Variants in PRR14L observed in about 807,000 individuals in gnomAD.
PRR14L encodes protein PRR14L.
In PRR14L, 80 loss-of-function variants were observed where a neutral mutation model predicts 155.0. That is an observed-to-expected ratio of 0.52 (90% CI 0.43 to 0.62). The LOEUF is 0.62. Ranked by LOEUF, PRR14L falls within the 20% of genes least tolerant of loss-of-function variation. The pLI, the probability that PRR14L is intolerant of heterozygous loss-of-function variation, is 0.00. For synonymous variants in PRR14L, 883 were observed against 916.0 expected, an observed-to-expected ratio of 0.96 and a Z score of 0.65; for missense variants, 2,469 against 2,548.0, an observed-to-expected ratio of 0.97 and a Z score of 0.67.
chr22:31,719,299 G>A (rs957077346), intron 3 of PRR14L, among the ~76,000 whole-genome samples: 3 of 151,814 alleles, frequency 2.0e-5, no homozygotes, highest in African/African-American at 7.3e-5. Flanking sequence ...TTTAATCCCA[G>A]CTACTTGGGA....
At chr22:31,725,483 TA>T in intron 3 of PRR14L, 54 bp downstream of exon 3, 1 of 1,198,848 alleles carries the variant, frequency 8.3e-7, no homozygotes, top group Non-Finnish European at 1.2e-6. Context: ...GAAGCGGAAC[TA>T]AAACAGTATT....
intron 4 of PRR14L, among the ~76,000 whole-genome samples, chr22:31,707,014 A>G (rs1601499685): frequency 6.6e-6 from 1 of 151,838 alleles, no homozygotes; most frequent in Non-Finnish European, 1.5e-5. Flanking sequence ...GCGCCACTGC[A>G]CTCCAGCTTG....
Position 31,716,174 on chromosome 22 carries a change from G to A in PRR14L, c.1665C>T (p.Thr555=). The change falls in exon 4 of 9, where the codon ACC becomes ACT. Residue 555 remains threonine, a synonymous_variant. Coordinates refer to ENST00000327423, the MANE Select transcript of PRR14L (RefSeq NM_173566.3). ...VSIQRNLEGN[T]QLNEASCNDF... ...CATTACATGATGCTTCATTTAACTG[G>A]GTGTTGCCTTCCAGATTTCTCTGGA... is the stretch of plus-strand genomic sequence containing the variant. 1 of 1,551,366 alleles carries A rather than the reference G, an allele frequency of 6.4e-7. No homozygotes were observed. Among genetic ancestry groups the A allele is most frequent in the Non-Finnish European group, 8.7e-7 (1 of 1,146,848 alleles).
rs1274786569 is a variant in PRR14L, at chr22:31,715,695, T to C, written c.2144A>G (p.Asp715Gly). ...QTIPIQTKIK[D>G]ISPPGNQTCG... ...GGTTTGGTTACCTGGTGGAGAGATG[T>C]CTTTTATTTTTGTCTGAATGGGAAT... Residue 715 changes from aspartate to glycine, a missense_variant, in exon 4 of 9, where the codon GAC (aspartate) becomes GGC (glycine). Transcript: ENST00000327423. The C allele has an allele frequency of 3.9e-6, 6 of 1,552,272 alleles. No homozygotes were observed. Among genetic ancestry groups the C allele is most frequent in the Middle Eastern group, 1.7e-4 (1 of 5,998 alleles).
At chr22:31,746,828 ACT>A (rs1301266045) in intron 1 of PRR14L, among the ~76,000 whole-genome samples, 1 of 129,168 alleles carries the variant, frequency 7.7e-6, no homozygotes, top group Non-Finnish European at 1.6e-5. Flanking sequence ...ACGGAGTCTC[ACT>A]CTGTTGCTCA....
At chr22:31,722,417 GAAAAAAAAAAA>G (rs563612373) in intron 3 of PRR14L, among the ~76,000 whole-genome samples, 6 of 82,184 alleles carry the variant, frequency 7.3e-5, no homozygotes, top group Non-Finnish European at 1.6e-4. Flanking sequence ...GTGACAGAAA[GAAAAAAAAAAA>G]AAAAAGAAAG....
Position 31,715,582 on chromosome 22 carries a change from C to T in PRR14L, c.2257G>A (p.Ala753Thr). 2.6e-6 allele frequency: 4 copies of T among 1,552,012 alleles called. No homozygotes were observed. Among genetic ancestry groups the T allele is most frequent in the Non-Finnish European group, 3.5e-6 (4 of 1,147,058 alleles). Residue 753 changes from alanine (A) to threonine (T), a missense_variant, in exon 4 of 9, where the codon GCT becomes ACT. Coordinates refer to ENST00000327423, the MANE Select transcript of PRR14L (RefSeq NM_173566.3). ...TTTGAGCGCAGCCTGGAATGTAGAG[C>T]TTTTGTTCCTGAATCAGCCATTTCC... ...KKEMADSGTKALHSRLRSNKR... is the reference protein window; with the variant it reads ...KKEMADSGTKTLHSRLRSNKR...
rs1172006237 is a variant in PRR14L at position 31,703,586 on chromosome 22, G to A, written c.5964C>T (p.Cys1988=). The A allele has an allele frequency of 6.2e-7, 1 of 1,613,828 alleles. No individual in the cohort carries two copies. Among genetic ancestry groups the A allele is most frequent in the Non-Finnish European group, 8.5e-7 (1 of 1,179,882 alleles). Residue 1988 remains cysteine (C), a synonymous_variant, in exon 6 of 9, where the codon TGC becomes TGT. Transcript: ENST00000327423. ...LDELDGVKAA[C]PCPQSSPPEQ... ...CTGGGGGGCTGCTCTGTGGGCAGGG[G>A]CATGCTGCTTTCACACCATCCAGCT...
chr22:31,744,648 G>A (rs114878901), intron 1 of PRR14L, among the ~76,000 whole-genome samples: 12 of 152,236 alleles, frequency 7.9e-5, no homozygotes, highest in African/African-American at 2.9e-4. Context: ...TGAATCCCCA[G>A]CCATAACCAT....
chr22:31,703,504 C>T (rs2074573553), intron 6 of PRR14L, 46 bp downstream of exon 6: 1 of 1,571,278 alleles, frequency 6.4e-7, no homozygotes. Context: ...ACAATGGCCA[C>T]CTCCAATGCC....
At chr22:31,704,614 C>T (rs2074579890) in intron 5 of PRR14L, 41 bp downstream of exon 5, 2 of 1,545,226 alleles carry the variant, frequency 1.3e-6, no homozygotes, top group Non-Finnish European at 1.8e-6. Flanking sequence ...TGCACACACA[C>T]ACGCACACGC....
chr22:31,701,871 AATCATAGCT>A (rs2074564860), intron 6 of PRR14L, 109 bp from the exon 7 acceptor site: 4 of 773,712 alleles, frequency 5.2e-6, no homozygotes, highest in Non-Finnish European at 8.3e-6. Flanking sequence ...GAAGTGGTGC[AATCATAGCT>A]CACTGCAGCC....
Position 31,714,438 on chromosome 22 carries a change from T to G in PRR14L, c.3401A>C (p.Glu1134Ala). The G allele has an allele frequency of 6.4e-7, 1 of 1,551,684 alleles. No individual in the cohort carries two copies. The highest frequency in any genetic ancestry group is 8.7e-7 in the Non-Finnish European group (1 of 1,146,968). Residue 1134 changes from glutamate (E) to alanine (A), a missense_variant, in exon 4 of 9, where the codon GAA (glutamate) becomes GCA (alanine). Around this residue, in one of 2 missense-constraint regions of PRR14L, gnomAD observed 2,363 missense variants for 2,371.6 expected, o/e 1.00. Transcript: ENST00000327423. ...DFLKIKKSCE[E>A]NVCRSLKDCE... ...GTCTTTTAAAGATCTGCATACGTTT[T>G]CTTCACATGATTTTTTTATTTTGAG...
chr22:31,702,762 C>T (rs1358692684), intron 6 of PRR14L, among the ~76,000 whole-genome samples: 3 of 152,078 alleles, frequency 2.0e-5, no homozygotes, highest in Non-Finnish European at 4.4e-5. Context: ...GTGATCCGCC[C>T]GCCCTGGCCT....
At position 31,683,433 on chromosome 22, in the gene PRR14L, T is replaced by TC. The variant is rs2074464919; in HGVS notation, c.*2093dup. 6.6e-6 allele frequency: 1 copy of TC among 151,986 alleles called. No homozygotes were observed. Among genetic ancestry groups the TC allele is most frequent in the South Asian group, 2.1e-4 (1 of 4,810 alleles). The allele number at this position is 151,986 out of a possible 1,614,324, so 9.4% of individuals were successfully genotyped here. On this transcript the variant is annotated 3_prime_UTR_variant, in exon 9 of 9. Transcript: ENST00000327423. ...GGGCAAAATGTACTACTCATCCCAC[T>TC]CCCTTAAGCAAAAAAGTCAGAGAGA...
intron 7 of PRR14L, among the ~76,000 whole-genome samples, chr22:31,696,853 G>A (rs2074537147): frequency 6.6e-6 from 1 of 152,172 alleles, no homozygotes; most frequent in African/African-American, 2.4e-5. Context: ...GGTGGCTCAT[G>A]CCTGTAATCC....
intron 1 of PRR14L, among the ~76,000 whole-genome samples, chr22:31,742,580 T>C (rs112993334): frequency 2.0e-5 from 3 of 152,286 alleles, no homozygotes; most frequent in African/African-American, 4.8e-5. Context: ...TTGGCCAGGC[T>C]GGTCTCGAAC....
rs989832151 is a variant in PRR14L at position 31,714,378 on chromosome 22, T to C, written c.3461A>G (p.His1154Arg). 4 of 1,551,622 alleles carry C rather than the reference T, an allele frequency of 2.6e-6. No homozygotes were observed. The highest frequency in any genetic ancestry group is 3.5e-6 in the Non-Finnish European group (4 of 1,147,014). Residue 1154 changes from histidine (H) to arginine (R), a missense_variant, in exon 4 of 9, where the codon CAT becomes CGT. His to Arg is a conservative substitution (Grantham distance 29). Around this residue, in one of 2 missense-constraint regions of PRR14L, gnomAD observed 2,363 missense variants for 2,371.6 expected, o/e 1.00. Transcript: ENST00000327423. Reference sequence around the variant, plus strand: ...ATGATCTGCAACAGACTCCATCTCATGGGCACAAGAGTCTGGACACTTTTC... The same window carrying C: ...ATGATCTGCAACAGACTCCATCTCACGGGCACAAGAGTCTGGACACTTTTC... ...EMEKCPDSCA[H>R]EMESVADHEP...
Position 31,712,989 on chromosome 22 carries a change from T to C in PRR14L, c.4850A>G (p.Asn1617Ser). 1 of 1,551,888 alleles carries C rather than the reference T, an allele frequency of 6.4e-7. No individual in the cohort carries two copies. The highest frequency in any genetic ancestry group is 2.0e-5 in the Admixed American group (1 of 50,990). The part of the protein sequence containing the change: ...RKTTKESALL[N>S]KLSILASKLA... ...TTTGGAGGCAAGGATGGACAGCTTG[T>C]TTAGTAAGGCTGATTCTTTGGTAGT... is the stretch of plus-strand genomic sequence containing the variant. The change falls in exon 4 of 9, where the codon AAC (asparagine) becomes AGC (serine). Residue 1617 changes from asparagine to serine, a missense_variant. Asn to Ser is a conservative substitution (Grantham distance 46, BLOSUM62 1). Around this residue, in one of 2 missense-constraint regions of PRR14L, gnomAD observed 2,363 missense variants for 2,371.6 expected, o/e 1.00. Coordinates refer to ENST00000327423, the MANE Select transcript of PRR14L (RefSeq NM_173566.3).
Sources: gnomAD v4.1 joint callset for allele counts (sites outside exome capture counted in the v4.1 genomes callset) on GRCh38, gnomAD v4.1.1 for gene constraint, gnomAD v4.1.1 regional missense constraint, MANE v1.5 for transcripts, NCBI Gene and HGNC (gene_info 2026-07-23, HGNC 2026-07-21) for gene names.